The following EHBP1 variants were observed in gnomAD, a reference collection of about 807,000 sequenced individuals.
EHBP1 encodes EH domain-binding protein 1.
In EHBP1, 55 loss-of-function variants were observed where a neutral mutation model predicts 144.0. The ratio of observed to expected loss-of-function variants is 0.38; its 90% CI spans 0.31 to 0.48. The LOEUF (loss-of-function observed/expected upper bound fraction) is 0.48. Ranked by LOEUF, EHBP1 falls within the 20% of genes least tolerant of loss-of-function variation. EHBP1 has a pLI of 0.98. For synonymous variants in EHBP1, 469 were observed against 472.7 expected (o/e 0.99, Z 0.10); for missense variants, 1,200 against 1,364.2 (o/e 0.88, Z 1.90).
intron 5 of EHBP1, among the ~76,000 whole-genome samples, chr2:62,778,097 T>G (rs2042168624): frequency 6.6e-6 from 1 of 152,308 alleles, no homozygotes. Flanking sequence ...CACTATGCAG[T>G]CTTTCCCACT....
intron 19 of EHBP1, among the ~76,000 whole-genome samples, chr2:62,997,763 T>C (rs1192393753): frequency 6.6e-6 from 1 of 152,112 alleles, no homozygotes; most frequent in African/African-American, 2.4e-5. Flanking sequence ...TGAAAATGCA[T>C]AGATTAGTGA....
chr2:62,746,251 T>G (rs1410893328), intron 2 of EHBP1, among the ~76,000 whole-genome samples: 1 of 152,124 alleles, frequency 6.6e-6, no homozygotes, highest in Admixed American at 6.6e-5. Context: ...GTTTCTGTGT[T>G]GAACAAGGTG....
intron 2 of EHBP1, among the ~76,000 whole-genome samples, chr2:62,722,708 A>G (rs1250982226): frequency 2.6e-5 from 4 of 152,126 alleles, no homozygotes; most frequent in African/African-American, 7.2e-5. Flanking sequence ...TTAAGTGTCA[A>G]TTCACCTTGA....
chr2:62,827,938 G>A (rs759475886), intron 6 of EHBP1, among the ~76,000 whole-genome samples: 18 of 152,100 alleles, frequency 1.2e-4, no homozygotes, highest in Non-Finnish European at 1.9e-4. Context: ...CAAAGTGCTG[G>A]GATTACAGGT....
At chr2:62,684,049 A>G (rs1161137229) in intron 1 of EHBP1, among the ~76,000 whole-genome samples, 1 of 152,226 alleles carries the variant, frequency 6.6e-6, no homozygotes, top group Non-Finnish European at 1.5e-5. Context: ...GTGTAAGTGC[A>G]CACACGTTGG....
intron 2 of EHBP1, among the ~76,000 whole-genome samples, chr2:62,745,976 A>T (rs147049199): frequency 6.6e-6 from 1 of 152,130 alleles, no homozygotes; most frequent in Non-Finnish European, 1.5e-5. Flanking sequence ...TAGCATTTCT[A>T]TAAAAGTACT....
intron 14 of EHBP1, among the ~76,000 whole-genome samples, chr2:62,971,365 G>A (rs540728286): frequency 3.3e-5 from 5 of 151,774 alleles, no homozygotes; most frequent in Non-Finnish European, 4.4e-5. Context: ...TTAAGTGAAT[G>A]TAAACAAATT....
At chr2:62,997,428 ATGTGTGTGTGTGTGTGTGTGTGTGTGTG>A (rs70962800) in intron 19 of EHBP1, among the ~76,000 whole-genome samples, 3 of 90,554 alleles carry the variant, frequency 3.3e-5, no homozygotes, top group Admixed American at 3.3e-4. Flanking sequence ...AAAGGAACTC[ATGTGTGTGTGTGTGTGTGTGTGTGTGTG>A]TGTGTGTGTG....
chr2:62,860,036 A>C (rs1003396758), intron 8 of EHBP1, among the ~76,000 whole-genome samples: 5 of 151,944 alleles, frequency 3.3e-5, no homozygotes, highest in African/African-American at 1.2e-4. Context: ...TTCAGGATTC[A>C]CTCTGTTATA....
intron 3 of EHBP1, among the ~76,000 whole-genome samples, chr2:62,761,797 G>A (rs1160161346): frequency 2.0e-5 from 3 of 152,044 alleles, no homozygotes; most frequent in Non-Finnish European, 2.9e-5. Flanking sequence ...TTTCCCATCA[G>A]CATAAAATAT....
At chr2:62,970,028 A>G (rs979146802) in intron 14 of EHBP1, among the ~76,000 whole-genome samples, 4 of 151,696 alleles carry the variant, frequency 2.6e-5, no homozygotes, top group Non-Finnish European at 2.9e-5. Context: ...ATTTAATTCT[A>G]TCTTTCATAG....
chr2:62,826,361 CA>C, intron 6 of EHBP1, 93 bp downstream of exon 6: 1 of 1,153,396 alleles, frequency 8.7e-7, no homozygotes, highest in African/African-American at 1.6e-5. Context: ...GAACATCTTA[CA>C]GCATACCAAT....
At chr2:62,767,289 C>T (rs1405171821) in intron 4 of EHBP1, among the ~76,000 whole-genome samples, 2 of 152,012 alleles carry the variant, frequency 1.3e-5, no homozygotes, top group African/African-American at 4.8e-5. Context: ...TTATCTGTCT[C>T]TGATCAGGTA....
At position 62,965,422 on chromosome 2, in the gene EHBP1, T is replaced by A. The variant is rs182657811; in HGVS notation, c.2460+9762T>A. Among the ~76,000 whole-genome samples the A allele has an allele frequency of 2.1e-3, 317 of 152,336 alleles. 12 individuals are homozygous for A. The highest frequency in any genetic ancestry group is 0.02 in the Admixed American group (310 of 15,288). On this transcript the variant is annotated intron_variant, in intron 14 of 22. Transcript: ENST00000431489. ...GTAGAGTTTTGATACTGTATAAGAATCTTACAATGCCTTAATGAGAGTGAA... is the reference window on the plus strand; with the variant it reads ...GTAGAGTTTTGATACTGTATAAGAAACTTACAATGCCTTAATGAGAGTGAA...
At chr2:62,772,891 G>A (rs1019325831) in intron 5 of EHBP1, among the ~76,000 whole-genome samples, 2 of 152,104 alleles carry the variant, frequency 1.3e-5, no homozygotes, top group African/African-American at 4.8e-5. Flanking sequence ...GCCATGTTTA[G>A]GACTAAAGAG....
At position 62,887,698 on chromosome 2, in the gene EHBP1, G is replaced by A. The variant is rs561457790; in HGVS notation, c.1185+13166G>A. Among the ~76,000 whole-genome samples, 8 of 152,212 alleles carry A rather than the reference G, an allele frequency of 5.3e-5. No homozygotes were observed. The East Asian group carries it at 1.4e-3, about 26-fold the overall frequency. The stretch of plus-strand genomic sequence containing the variant: ...AGGTCGTGGTGAGCCACTGCACTCC[G>A]GCCTTAGAGATGCAGCAAGATCCCA... On this transcript the variant is annotated intron_variant, in intron 10 of 22. Transcript: ENST00000431489.
In EHBP1 at chr2:62,940,041, G is replaced by C. The variant is rs148611331; in HGVS notation, c.1186-2677G>C. On this transcript the variant is annotated intron_variant, in intron 10 of 22. Coordinates refer to ENST00000431489, the MANE Select transcript of EHBP1 (RefSeq NM_001142616.3). Reference sequence around the variant, plus strand: ...AAAAATCCCTGAAGAAGTGTGTGCTGACTTGATCAGAGGCACAAAGGAAAA... The same window carrying C: ...AAAAATCCCTGAAGAAGTGTGTGCTCACTTGATCAGAGGCACAAAGGAAAA... The C allele has an allele frequency of 3.5e-5, 14 of 404,984 alleles. No individual in the cohort carries two copies. In the East Asian group the frequency reaches 9.0e-4, roughly 26 times the overall value. 25.1% of individuals were successfully genotyped at this position (404,984 alleles called of 1,614,324 possible). A position where few individuals can be genotyped will look rare whatever the true frequency, so the allele number is the denominator to read the frequency against.
In EHBP1 at chr2:62,730,636, GAGAGAC is replaced by G. The variant is rs895634607; in HGVS notation, c.105-16747_105-16742del. Among the ~76,000 whole-genome samples, 9 of 151,750 alleles carry G rather than the reference GAGAGAC, an allele frequency of 5.9e-5. 2 individuals carry two copies. The South Asian group carries it at 1.9e-3, about 32-fold the overall frequency. ...TTTTCTTTTTTTTTAGAGAGAGAGA[GAGAGAC>G]AGAGACAGAGAGAGATAGACAAAGA... On this transcript the variant is annotated intron_variant, in intron 2 of 22. Transcript: ENST00000431489.
chr2:62,858,465 A>G (rs766016057), intron 7 of EHBP1: 3 of 1,612,192 alleles, frequency 1.9e-6, no homozygotes, highest in East Asian at 2.2e-5. Flanking sequence ...TGACTGCATA[A>G]AGCAAGCAAA....
Sources: allele counts gnomAD v4.1 joint callset (sites outside exome capture counted in the v4.1 genomes callset), GRCh38; gene constraint gnomAD v4.1.1; transcripts MANE v1.5; gene names NCBI Gene and HGNC (gene_info 2026-07-23, HGNC 2026-07-21).